TMEM222: variants seen among roughly 807,000 people sequenced by gnomAD.
The protein encoded by TMEM222 is transmembrane protein 222.
TMEM222 carries 18 observed loss-of-function variants against 25.1 expected under a neutral mutation model. The ratio of observed to expected loss-of-function variants is 0.72; its 90% confidence interval spans 0.50 to 1.06. The LOEUF is 1.06. TMEM222 is among the 50% of genes least tolerant of loss of function. The pLI is 0.00. For synonymous variants in TMEM222, 131 were observed against 117.9 expected (o/e 1.11, Z -0.72); for missense variants, 296 against 293.7 (o/e 1.01, Z -0.06).
In TMEM222 at chr1:27,322,313, G is replaced by A; in HGVS notation, c.116G>A (p.Gly39Asp). 2 of 1,556,078 alleles carry A rather than the reference G, an allele frequency of 1.3e-6. No individual in the cohort carries two copies. The highest frequency in any genetic ancestry group is 1.7e-6 in the Non-Finnish European group (2 of 1,147,320). Residue 39 changes from glycine to aspartate, a missense_variant, in exon 1 of 6, where the codon GGC (glycine) becomes GAC (aspartate). Transcript: ENST00000374076. ...GAGACGGACATGAAGCAATATCAAG[G>A]CTCCGGCGGCGTCGCCATGGATGTG... ...AAETDMKQYQ[G>D]SGGVAMDVER...
At chr1:27,325,599 G>A (rs775485645) in intron 1 of TMEM222, 13 of 961,558 alleles carry the variant, frequency 1.4e-5, no homozygotes, top group African/African-American at 1.6e-5. Flanking sequence ...GGGCATCACC[G>A]ACAGGATGCA....
At chr1:27,328,261 A>G (rs947827548) in intron 1 of TMEM222, among the ~76,000 whole-genome samples, 1 of 152,162 alleles carries the variant, frequency 6.6e-6, no homozygotes, top group Non-Finnish European at 1.5e-5. Context: ...GAGGGCAGAT[A>G]CAGAGAAAGC....
intron 1 of TMEM222, chr1:27,325,581 A>G: frequency 1.9e-6 from 2 of 1,054,624 alleles, no homozygotes; most frequent in Non-Finnish European, 3.0e-6. Context: ...AGGCACCACC[A>G]TGTACCCGGG....
intron 1 of TMEM222, chr1:27,325,320 A>G (rs969727012): frequency 1.6e-5 from 11 of 701,668 alleles, no homozygotes; most frequent in African/African-American, 1.4e-4. Context: ...AGCGTTCCAT[A>G]TTTTTGTCTC....
chr1:27,334,954 C>A, intron 5 of TMEM222: 1 of 417,622 alleles, frequency 2.4e-6, no homozygotes, highest in Non-Finnish European at 3.6e-6. Flanking sequence ...CACTGCTGAC[C>A]CTTGCCAGCC....
chr1:27,331,950 C>CCGGG, intron 2 of TMEM222, 120 bp from the exon 3 acceptor site: 1 of 767,076 alleles, frequency 1.3e-6, no homozygotes. Flanking sequence ...GGCCCCACTT[C>CCGGG]TGGCCCCCCC....
chr1:27,334,234 T>C lies in TMEM222; in HGVS notation c.492T>C (p.Asn164=). 6.2e-7 allele frequency: 1 copy of C among 1,614,164 alleles called. No homozygotes were observed. Among genetic ancestry groups the C allele is most frequent in the Non-Finnish European group, 8.5e-7 (1 of 1,180,014 alleles). ...GCTACAACAACAGCACCAACTGGAATATGGTGACGCTCTGCTTCTTCTGCC... is the reference window on the plus strand; with the variant it reads ...GCTACAACAACAGCACCAACTGGAACATGGTGACGCTCTGCTTCTTCTGCC... ...LMRYNNSTNW[N]MVTLCFFCLL... The change falls in exon 5 of 6, where the codon AAT becomes AAC. Residue 164 remains asparagine (N), a synonymous_variant. Coordinates refer to ENST00000374076, the MANE Select transcript of TMEM222 (RefSeq NM_032125.3).
chr1:27,324,769 G>A (rs968551367), intron 1 of TMEM222, among the ~76,000 whole-genome samples: 1 of 152,186 alleles, frequency 6.6e-6, no homozygotes, highest in South Asian at 2.1e-4. Flanking sequence ...TAAGGCAAAG[G>A]GGGAGGGAGG....
At position 27,335,512 on chromosome 1, in the gene TMEM222, C is replaced by G. The variant is rs2014584708; in HGVS notation, c.*46C>G. The G allele has an allele frequency of 6.3e-7, 1 of 1,588,314 alleles. No individual in the cohort carries two copies. The highest frequency in any genetic ancestry group is 1.3e-5 in the African/African-American group (1 of 74,430). ...ACCCACCAGGGTCCCGAGGAAACAG[C>G]CGCCATCCCTTTTGGTTCCAGATTT... On this transcript the variant is annotated 3_prime_UTR_variant, in exon 6 of 6. Coordinates refer to ENST00000374076, the MANE Select transcript of TMEM222 (RefSeq NM_032125.3).
rs1228904245 is a variant in TMEM222, at chr1:27,335,773, T to C, written c.*307T>C. The C allele has an allele frequency of 5.4e-5, 23 of 426,572 alleles. No individual in the cohort carries two copies. In the East Asian group the frequency reaches 8.8e-4, roughly 16 times the overall value. The allele number at this position is 426,572 out of a possible 1,614,324, so 26.4% of individuals were successfully genotyped here. A position where few individuals can be genotyped will look rare whatever the true frequency, so the allele number is the denominator to read the frequency against. ...TAGAGCTGCTCCCGCCACCACCTGCTGGGGTCCTGCCTCAGCCCAGTGCCC... is the reference window on the plus strand; with the variant it reads ...TAGAGCTGCTCCCGCCACCACCTGCCGGGGTCCTGCCTCAGCCCAGTGCCC... On this transcript the variant is annotated 3_prime_UTR_variant, in exon 6 of 6. Coordinates refer to ENST00000374076, the MANE Select transcript of TMEM222 (RefSeq NM_032125.3).
At chr1:27,322,422 G>A in intron 1 of TMEM222, 31 bp downstream of exon 1, 1 of 1,358,162 alleles carries the variant, frequency 7.4e-7, no homozygotes, top group South Asian at 1.8e-5. Context: ...GCCTGGGGAC[G>A]AGGAGGGCCC....
At position 27,334,072 on chromosome 1, in the gene TMEM222, G is replaced by T; in HGVS notation, c.408+18G>T. 1 of 1,614,054 alleles carries T rather than the reference G, an allele frequency of 6.2e-7. No homozygotes were observed. Among genetic ancestry groups the T allele is most frequent in the Non-Finnish European group, 8.5e-7 (1 of 1,179,960 alleles). ...ACCGCATGGTAGGTGGGCCAGGGCG[G>T]CACCGGCACTCCCCAGGTGGGGACC... On this transcript the variant is annotated intron_variant, in intron 4 of 5. Transcript: ENST00000374076.
At chr1:27,329,543 G>C (rs990723676) in intron 1 of TMEM222, among the ~76,000 whole-genome samples, 2 of 150,074 alleles carry the variant, frequency 1.3e-5, no homozygotes, top group Non-Finnish European at 2.9e-5. Flanking sequence ...TGTAGCAGAA[G>C]TGACACTGTT....
At chr1:27,330,683 C>CCTAAGCT (rs749306506) in intron 1 of TMEM222, 37 bp from the exon 2 acceptor site, 1 of 1,581,524 alleles carries the variant, frequency 6.3e-7, no homozygotes, top group East Asian at 2.2e-5. Flanking sequence ...TGAAAGATCC[C>CCTAAGCT]CTAAGCTCTG....
At chr1:27,335,288 C>T in intron 5 of TMEM222, 91 bp from the exon 6 acceptor site, 1 of 1,290,488 alleles carries the variant, frequency 7.7e-7, no homozygotes, top group Admixed American at 1.7e-5. Flanking sequence ...GGATGGCAGC[C>T]CTATTGGGGT....
intron 1 of TMEM222, among the ~76,000 whole-genome samples, chr1:27,327,514 G>A (rs572124218): frequency 3.9e-5 from 6 of 152,286 alleles, no homozygotes; most frequent in South Asian, 4.1e-4. Context: ...TCAGCCTCTC[G>A]AGTAGCTGGG....
At chr1:27,325,512 A>G in intron 1 of TMEM222, 1 of 1,465,048 alleles carries the variant, frequency 6.8e-7, no homozygotes, top group South Asian at 1.1e-5. Context: ...GTTCAACTCC[A>G]TCATGAAGTG....
intron 1 of TMEM222, 108 bp downstream of exon 1, chr1:27,322,499 C>G: frequency 1.8e-6 from 2 of 1,088,626 alleles, no homozygotes; most frequent in Non-Finnish European, 2.4e-6. Flanking sequence ...TTCCTCGGGT[C>G]TGGCCCGCAC....
At chr1:27,332,561 G>A (rs2014506860) in intron 3 of TMEM222, 4 of 716,376 alleles carry the variant, frequency 5.6e-6, no homozygotes, top group Admixed American at 2.0e-5. Flanking sequence ...TCAACCTTCT[G>A]GGAGCTATTG....
Sources: gnomAD v4.1 joint callset for allele counts (sites outside exome capture counted in the v4.1 genomes callset) on GRCh38, gnomAD v4.1.1 for gene constraint, MANE v1.5 for transcripts, NCBI Gene and HGNC (gene_info 2026-07-23, HGNC 2026-07-21) for gene names.